The following HNRNPA2B1 variants were observed in gnomAD, a reference collection of about 807,000 sequenced individuals.
The protein encoded by HNRNPA2B1 is heterogeneous nuclear ribonucleoproteins A2/B1.
In HNRNPA2B1, 3 loss-of-function variants were observed where a neutral mutation model predicts 46.3. The ratio of observed to expected loss-of-function variants is 0.06; its 90% CI spans 0.03 to 0.17. The LOEUF (loss-of-function observed/expected upper bound fraction) is 0.17. HNRNPA2B1 is among the 10% of genes least tolerant of loss of function. HNRNPA2B1 has a pLI of 1.00. For synonymous variants in HNRNPA2B1, 225 were observed against 133.8 expected, an observed-to-expected ratio of 1.68 and a Z score of -4.70; for missense variants, 221 against 418.9, an observed-to-expected ratio of 0.53 and a Z score of 4.12.
chr7:26,195,933 A>T, intron 6 of HNRNPA2B1, 24 bp from the exon 7 acceptor site: 2 of 1,595,010 alleles, frequency 1.3e-6, no homozygotes. Context: ...AAAAAAGATT[A>T]CGTTTACTAT....
In HNRNPA2B1 at chr7:26,192,590, G is replaced by A. The variant is rs1400019970; in HGVS notation, c.965-13C>T. The A allele has an allele frequency of 6.2e-7, 1 of 1,612,040 alleles. No homozygotes were observed. Among genetic ancestry groups the A allele is most frequent in the Admixed American group, 1.7e-5 (1 of 60,016 alleles). The stretch of plus-strand genomic sequence containing the variant: ...GGACCATAGTTTCCTATAATTGTTG[G>A]AACAGCAAGAGAAAACAAACTTACT... On this transcript the variant is annotated splice_polypyrimidine_tract_variant and intron_variant, in intron 9 of 10. Transcript: ENST00000618183.
At chr7:26,199,812 A>G (rs1784157026) in intron 1 of HNRNPA2B1, 1 of 151,798 alleles carries the variant, frequency 6.6e-6, no homozygotes, top group Admixed American at 6.6e-5. Flanking sequence ...CTCGCATTGA[A>G]CCCGGCCCGA....
At chr7:26,197,231 A>C in intron 3 of HNRNPA2B1, 84 bp downstream of exon 3, 1 of 1,457,416 alleles carries the variant, frequency 6.9e-7, no homozygotes, top group Non-Finnish European at 9.3e-7. Context: ...ATCTTGAGTT[A>C]AAACTAAATT....
At chr7:26,194,991 G>A (rs754150474) in intron 7 of HNRNPA2B1, among the ~76,000 whole-genome samples, 24 of 151,204 alleles carry the variant, frequency 1.6e-4, no homozygotes, top group Non-Finnish European at 3.1e-4. Flanking sequence ...CTACTCAGGA[G>A]GCTGAGGCAG....
intron 1 of HNRNPA2B1, 141 bp downstream of exon 1, chr7:26,200,431 T>C (rs984840632): frequency 1.1e-5 from 9 of 843,980 alleles, no homozygotes; most frequent in Non-Finnish European, 1.4e-5. Context: ...AAGACCCCGT[T>C]CATAAACCTT....
At chr7:26,200,293 G>T in intron 1 of HNRNPA2B1, 1 of 502,924 alleles carries the variant, frequency 2.0e-6, no homozygotes, top group Non-Finnish European at 3.6e-6. Context: ...CCGCCTCCGC[G>T]CCCCACTTTC....
At position 26,193,392 on chromosome 7, in the gene HNRNPA2B1, A is replaced by C. The variant is rs760114177; in HGVS notation, c.842-19T>G. ...TAATTTCCTATTAAAAAATTGGAAT[A>C]CTCAGAACAATACAAACATTAAACC... On this transcript the variant is annotated intron_variant, in intron 8 of 10. Transcript: ENST00000618183. The C allele has an allele frequency of 6.2e-7, 1 of 1,607,054 alleles. No homozygotes were observed. Among genetic ancestry groups the C allele is most frequent in the Non-Finnish European group, 8.5e-7 (1 of 1,174,588 alleles).
At chr7:26,197,529 ATT>A (rs1277509644) in intron 2 of HNRNPA2B1, 68 bp from the exon 3 acceptor site, 4 of 1,575,446 alleles carry the variant, frequency 2.5e-6, no homozygotes, top group African/African-American at 2.7e-5. Flanking sequence ...TCATAATAGA[ATT>A]TTTTACTATG....
intron 1 of HNRNPA2B1, chr7:26,198,731 A>C (rs1373800859): frequency 6.6e-6 from 1 of 152,248 alleles, no homozygotes; most frequent in Non-Finnish European, 1.5e-5. Context: ...AGGTTAAAAA[A>C]CCTCAAACGA....
At chr7:26,197,930 T>TTTTAATAA in intron 1 of HNRNPA2B1, 198 bp from the exon 2 acceptor site, 15 of 1,275,704 alleles carry the variant, frequency 1.2e-5, no homozygotes, top group South Asian at 4.1e-5. Flanking sequence ...ATTAGTTGTG[T>TTTTAATAA]TACACCAAAA....
rs1782731595 is a variant in HNRNPA2B1, at chr7:26,190,153, A to C, written c.*2207T>G. On this transcript the variant is annotated 3_prime_UTR_variant, in exon 11 of 11. Transcript: ENST00000618183. ...GGATACAAAAAGTATTTATTTTATAAACTTTATATTTAAAATAGAATTGTA... is the reference window on the plus strand; with the variant it reads ...GGATACAAAAAGTATTTATTTTATACACTTTATATTTAAAATAGAATTGTA... The C allele has an allele frequency of 6.6e-6, 1 of 152,626 alleles. No homozygotes were observed. Among genetic ancestry groups the C allele is most frequent in the African/African-American group, 2.4e-5 (1 of 41,458 alleles). The allele number at this position is 152,626 out of a possible 1,614,324, so 9.5% of individuals were successfully genotyped here. A position where few individuals can be genotyped will look rare whatever the true frequency, so the allele number is the denominator to read the frequency against.
At position 26,197,312 on chromosome 7, in the gene HNRNPA2B1, T is replaced by C; in HGVS notation, c.264+3A>G. ...ATGCACAAGACAGTCATTGTTTGCT[T>C]ACCTCTCTTGCTACAGCACGTTTTG... On this transcript the variant is annotated splice_donor_region_variant and intron_variant, in intron 3 of 10. Coordinates refer to ENST00000618183, the MANE Select transcript of HNRNPA2B1 (RefSeq NM_002137.4). 6.2e-7 allele frequency: 1 copy of C among 1,605,486 alleles called. No homozygotes were observed. The highest frequency in any genetic ancestry group is 8.5e-7 in the Non-Finnish European group (1 of 1,175,316).
At chr7:26,197,150 C>T (rs1783735435) in intron 3 of HNRNPA2B1, 133 bp from the exon 4 acceptor site, 1 of 1,127,768 alleles carries the variant, frequency 8.9e-7, no homozygotes, top group South Asian at 1.5e-5. Context: ...TTTTAGGGAC[C>T]TAGCTTTTGA....
Position 26,195,928 on chromosome 7 carries a change from A to G in HNRNPA2B1, c.659-19T>C, listed in dbSNP as rs781454007. 70 of 1,596,142 alleles carry G rather than the reference A, an allele frequency of 4.4e-5. No individual in the cohort carries two copies. The Admixed American group carries it at 1.3e-3, about 29-fold the overall frequency. On this transcript the variant is annotated intron_variant, in intron 6 of 10. Transcript: ENST00000618183. ...TATCCATCTGTTAGGGGCCAAAAAAAGATTACGTTTACTATAAACTGTTCA... is the reference window on the plus strand; with the variant it reads ...TATCCATCTGTTAGGGGCCAAAAAAGGATTACGTTTACTATAAACTGTTCA...
intron 1 of HNRNPA2B1, chr7:26,198,414 C>G (rs1166606768): frequency 6.6e-6 from 1 of 152,428 alleles, no homozygotes; most frequent in Non-Finnish European, 1.5e-5. Flanking sequence ...TTATGACCAG[C>G]AGCACTCGAA....
chr7:26,196,397 T>C lies in HNRNPA2B1; in HGVS notation c.658+4A>G. 1 of 1,610,226 alleles carries C rather than the reference T, an allele frequency of 6.2e-7. No homozygotes were observed. Among genetic ancestry groups the C allele is most frequent in the Non-Finnish European group, 8.5e-7 (1 of 1,176,948 alleles). Reference sequence around the variant, plus strand: ...CCTTTAAACACGTAGAACTTGAAACTCACCAGATCCTCCTCTAAAGTTACT... The same window carrying C: ...CCTTTAAACACGTAGAACTTGAAACCCACCAGATCCTCCTCTAAAGTTACT... On this transcript the variant is annotated splice_donor_region_variant and intron_variant, in intron 6 of 10. Coordinates refer to ENST00000618183, the MANE Select transcript of HNRNPA2B1 (RefSeq NM_002137.4).
intron 7 of HNRNPA2B1, 104 bp downstream of exon 7, chr7:26,195,743 C>T (rs1783509483): frequency 7.9e-7 from 1 of 1,271,346 alleles, no homozygotes; most frequent in South Asian, 1.5e-5. Context: ...CATTTATAGA[C>T]ACTAATATAA....
Position 26,200,559 on chromosome 7 carries a change from T to C in HNRNPA2B1, c.6+13A>G, listed in dbSNP as rs1403544070. ...TGCCCTTTTCAATAACTCATTGATTTCAAACCCGTTACCTCCATCGCGGAC... is the reference window on the plus strand; with the variant it reads ...TGCCCTTTTCAATAACTCATTGATTCCAAACCCGTTACCTCCATCGCGGAC... On this transcript the variant is annotated intron_variant, in intron 1 of 10. Coordinates refer to ENST00000618183, the MANE Select transcript of HNRNPA2B1 (RefSeq NM_002137.4). 2 of 1,613,240 alleles carry C rather than the reference T, an allele frequency of 1.2e-6. No homozygotes were observed. The highest frequency in any genetic ancestry group is 2.2e-5 in the East Asian group (1 of 44,886).
chr7:26,191,390 A>C lies in HNRNPA2B1; in HGVS notation c.*970T>G, dbSNP rs1486356528. On this transcript the variant is annotated 3_prime_UTR_variant, in exon 11 of 11. Transcript: ENST00000618183. ...TATTAGTTTATCTTTTAGGGAGGAA[A>C]ATTAAGAAAGGAAAAGTAAATAAGA... The C allele has an allele frequency of 2.0e-5, 3 of 152,178 alleles. No individual in the cohort carries two copies. The highest frequency in any genetic ancestry group is 7.2e-5 in the African/African-American group (3 of 41,442). 9.4% of individuals were successfully genotyped at this position (152,178 alleles called of 1,614,324 possible).
Sources: gnomAD v4.1 joint callset for allele counts (sites outside exome capture counted in the v4.1 genomes callset) on GRCh38, gnomAD v4.1.1 for gene constraint, MANE v1.5 for transcripts, NCBI Gene and HGNC (gene_info 2026-07-23, HGNC 2026-07-21) for gene names.